The following NIPBL variants were observed in gnomAD, a reference collection of about 807,000 sequenced individuals.
NIPBL encodes the protein NIPBL cohesin loading factor.
NIPBL carries 19 observed loss-of-function variants against 321.8 expected under a neutral mutation model. The ratio of observed to expected loss-of-function variants is 0.06; its 90% CI spans 0.04 to 0.09. The LOEUF is 0.09. NIPBL is among the 10% of genes least tolerant of loss of function. NIPBL has a pLI of 1.00. For synonymous variants in NIPBL, 1,106 were observed against 1,114.1 expected (o/e 0.99, Z 0.14); for missense variants, 2,210 against 3,327.0 (o/e 0.66, Z 8.26).
intron 1 of NIPBL, among the ~76,000 whole-genome samples, chr5:36,907,453 T>G (rs1341499869): frequency 6.6e-6 from 1 of 152,150 alleles, no homozygotes; most frequent in African/African-American, 2.4e-5. Context: ...TAAAATAATA[T>G]TTATTTATAA....
At chr5:36,972,137 G>A in intron 8 of NIPBL, 96 bp downstream of exon 8, 2 of 816,362 alleles carry the variant, frequency 2.4e-6, no homozygotes, top group Non-Finnish European at 4.0e-6. Flanking sequence ...AAGTTATTCT[G>A]TATTTTTTTT....
chr5:36,925,014 A>G (rs940918903), intron 1 of NIPBL, among the ~76,000 whole-genome samples: 51 of 152,350 alleles, frequency 3.3e-4, no homozygotes, highest in African/African-American at 1.2e-3. Context: ...TTACGATGCT[A>G]CTAAGCAGTT....
intron 6 of NIPBL, among the ~76,000 whole-genome samples, chr5:36,964,716 A>G (rs943000820): frequency 2.0e-5 from 3 of 152,164 alleles, no homozygotes; most frequent in Non-Finnish European, 2.9e-5. Context: ...GTACAGCAAA[A>G]GAAACAATCA....
chr5:37,001,135 T>C, intron 14 of NIPBL, 57 bp downstream of exon 14: 7 of 1,159,676 alleles, frequency 6.0e-6, no homozygotes, highest in South Asian at 1.2e-5. Context: ...CTGTATCCTC[T>C]AGAGTAACTC....
intron 9 of NIPBL, among the ~76,000 whole-genome samples, chr5:36,981,113 G>A (rs779860999): frequency 6.6e-6 from 1 of 151,662 alleles, no homozygotes; most frequent in African/African-American, 2.4e-5. Context: ...ATTTGGCACT[G>A]AGGACTTTTT....
At position 37,044,326 on chromosome 5, in the gene NIPBL, G is replaced by A. The variant is rs755427372; in HGVS notation, c.6109-21G>A. ...TTTTCAGGTTTTGGATATTCATAAA[G>A]CATTAATTTTATTCTTATAGACGCA... On this transcript the variant is annotated intron_variant, in intron 34 of 46. Coordinates refer to ENST00000282516, the MANE Select transcript of NIPBL (RefSeq NM_133433.4). The A allele has an allele frequency of 1.9e-6, 3 of 1,608,448 alleles. No individual in the cohort carries two copies. In the African/African-American group the frequency reaches 4.0e-5, roughly 22 times the overall value.
chr5:36,981,742 T>C (rs145042575), intron 9 of NIPBL, among the ~76,000 whole-genome samples: 10 of 151,838 alleles, frequency 6.6e-5, no homozygotes, highest in Non-Finnish European at 7.4e-5. Flanking sequence ...AGGTCCACTT[T>C]CCATGTTAGC....
chr5:36,989,754 G>T (rs1256099138), intron 10 of NIPBL, among the ~76,000 whole-genome samples: 1 of 148,976 alleles, frequency 6.7e-6, no homozygotes, highest in African/African-American at 2.5e-5. Flanking sequence ...CAGGAGAATC[G>T]CTTGAACCCA....
At chr5:37,018,600 C>CT (rs1421810569) in intron 24 of NIPBL, among the ~76,000 whole-genome samples, 1 of 152,120 alleles carries the variant, frequency 6.6e-6, no homozygotes, top group Non-Finnish European at 1.5e-5. Flanking sequence ...TACTGGATGA[C>CT]TTTCTGTATT....
In NIPBL at chr5:37,000,893, C is replaced by G. The variant is rs765215489; in HGVS notation, c.3574+5C>G. ...AACCAAAACTAACACCTGAAGGTAA[C>G]ACGTTAGTTTATTTAATTTGTCTTT... is the stretch of plus-strand genomic sequence containing the variant. On this transcript the variant is annotated splice_donor_5th_base_variant and intron_variant, in intron 13 of 46. Transcript: ENST00000282516. 2.5e-6 allele frequency: 4 copies of G among 1,606,728 alleles called. No individual in the cohort carries two copies. The highest frequency in any genetic ancestry group is 2.6e-6 in the Non-Finnish European group (3 of 1,173,862).
In NIPBL at chr5:37,017,011, A is replaced by G. The variant is rs779703319; in HGVS notation, c.4777-8A>G. ...ATCTATTCAATCAAAAACTATTTTG[A>G]TATTTAGGTTCATCAGTTCAGTAAC... On this transcript the variant is annotated splice_polypyrimidine_tract_variant and splice_region_variant and intron_variant, in intron 23 of 46. Coordinates refer to ENST00000282516, the MANE Select transcript of NIPBL (RefSeq NM_133433.4). 4 of 1,578,684 alleles carry G rather than the reference A, an allele frequency of 2.5e-6. No individual in the cohort carries two copies. Among genetic ancestry groups the G allele is most frequent in the Admixed American group, 1.7e-5 (1 of 58,206 alleles).
intron 1 of NIPBL, 111 bp from the exon 2 acceptor site, chr5:36,953,507 T>C: frequency 1.6e-6 from 1 of 613,156 alleles, no homozygotes. Flanking sequence ...GATTATTATA[T>C]AGGTTGAACA....
At chr5:36,911,467 G>T (rs1388679467) in intron 1 of NIPBL, among the ~76,000 whole-genome samples, 1 of 151,968 alleles carries the variant, frequency 6.6e-6, no homozygotes, top group African/African-American at 2.4e-5. Flanking sequence ...CTTTCCTTCT[G>T]GCCTTTCCTA....
At chr5:36,889,082 A>G (rs927326049) in intron 1 of NIPBL, among the ~76,000 whole-genome samples, 22 of 152,238 alleles carry the variant, frequency 1.4e-4, no homozygotes, top group Middle Eastern at 3.4e-3. Flanking sequence ...GAATTTGAAT[A>G]TATTTTCAGT....
chr5:37,034,783 A>G (rs7716549), intron 32 of NIPBL, among the ~76,000 whole-genome samples: 4,684 of 152,324 alleles, frequency 0.031, 99 homozygotes, highest in Non-Finnish European at 0.049. Context: ...GCACATTGGG[A>G]GCTACAAGAT....
intron 14 of NIPBL, among the ~76,000 whole-genome samples, chr5:37,001,644 GA>G (rs754931945): frequency 7.2e-5 from 11 of 152,040 alleles, no homozygotes; most frequent in Non-Finnish European, 1.5e-4. Context: ...TTAAGTGCTG[GA>G]GATGTAAAAA....
At chr5:37,062,495 G>C (rs183454257) in intron 45 of NIPBL, among the ~76,000 whole-genome samples, 1 of 152,066 alleles carries the variant, frequency 6.6e-6, no homozygotes, top group Admixed American at 6.6e-5. Flanking sequence ...ACCGGGGAAG[G>C]AAAGAACGGG....
At chr5:37,023,181 T>A (rs1749847310) in intron 29 of NIPBL, among the ~76,000 whole-genome samples, 1 of 152,162 alleles carries the variant, frequency 6.6e-6, no homozygotes, top group Non-Finnish European at 1.5e-5. Context: ...TAAATCTTGG[T>A]TGAGAAACAA....
intron 24 of NIPBL, 92 bp downstream of exon 24, chr5:37,017,254 A>G (rs1047010691): frequency 3.9e-6 from 5 of 1,266,666 alleles, no homozygotes; most frequent in Non-Finnish European, 3.3e-6. Context: ...TTTTGTGTGG[A>G]TTCAAAATAA....
Sources: gnomAD v4.1 joint callset for allele counts (sites outside exome capture counted in the v4.1 genomes callset) on GRCh38, gnomAD v4.1.1 for gene constraint, MANE v1.5 for transcripts, NCBI Gene and HGNC (gene_info 2026-07-23, HGNC 2026-07-21) for gene names.